The following PCBP3 variants were observed in gnomAD, a reference collection of about 807,000 sequenced individuals.
PCBP3 encodes poly(rC) binding protein 3.
PCBP3 carries 25 observed loss-of-function variants against 52.7 expected under a neutral mutation model. That is an observed-to-expected ratio of 0.47 (90% CI 0.35 to 0.66). The LOEUF (loss-of-function observed/expected upper bound fraction) is 0.66. Among genes scored for constraint, PCBP3 ranks in the 30% least tolerant of loss-of-function variants. The pLI is 0.01. For missense variants in PCBP3, 391 were observed against 490.3 expected (o/e 0.80, Z 1.91); for synonymous variants, 162 against 183.0 (o/e 0.89, Z 0.93).
chr21:45,900,057 C>G (rs2095986019), intron 7 of PCBP3, among the ~76,000 whole-genome samples: 4 of 152,234 alleles, frequency 2.6e-5, no homozygotes, highest in Admixed American at 2.6e-4. Flanking sequence ...GTTTGGAAGC[C>G]TGCTGCCCCG....
rs1441223552 is a variant in PCBP3, at chr21:45,724,253, T to C, written c.-199-11139T>C. Among the ~76,000 whole-genome samples, 1 of 152,306 alleles carries C rather than the reference T, an allele frequency of 6.6e-6. No individual in the cohort carries two copies. Among genetic ancestry groups the C allele is most frequent in the African/African-American group, 2.4e-5 (1 of 41,584 alleles). ...ACACATTTATCGAAAATGGAACCTA[T>C]GAGCAAATTCCTAGGAGCTGCATTT... On this transcript the variant is annotated intron_variant, in intron 2 of 17. Coordinates refer to ENST00000681687, the MANE Select transcript of PCBP3 (RefSeq NM_001384156.1). This position sits in a 1 kb window ranked among gnomAD's most constrained non-coding sequence, Gnocchi z 5.3.
intron 2 of PCBP3, among the ~76,000 whole-genome samples, chr21:45,672,305 C>T (rs930227689): frequency 6.6e-6 from 1 of 152,096 alleles, no homozygotes; most frequent in Non-Finnish European, 1.5e-5. Context: ...GAAGTAAATT[C>T]CTTTTCCTTA....
intron 5 of PCBP3, among the ~76,000 whole-genome samples, chr21:45,866,919 A>T (rs1460377171): frequency 6.6e-6 from 1 of 152,250 alleles, no homozygotes; most frequent in Non-Finnish European, 1.5e-5. Flanking sequence ...GGGAACAGGA[A>T]TCCCATAACA....
chr21:45,752,746 C>T (rs2087641151), intron 3 of PCBP3: 1 of 151,782 alleles, frequency 6.6e-6, no homozygotes. Context: ...TTATAAATGT[C>T]CTGTGTATCT....
chr21:45,932,303 G>A (rs1469150018), intron 15 of PCBP3, among the ~76,000 whole-genome samples: 1 of 150,866 alleles, frequency 6.6e-6, no homozygotes, highest in Non-Finnish European at 1.5e-5. Flanking sequence ...AAACACATCA[G>A]CCAAGCTATC....
In PCBP3 at chr21:45,694,830, C is replaced by G. The variant is rs546658077; in HGVS notation, c.-200+25878C>G. ...AGAATGCTTAAGTGGAGGAATAAAT[C>G]ATATTATTTGAATTGAAAAACTCAA... On this transcript the variant is annotated intron_variant, in intron 2 of 17. Coordinates refer to ENST00000681687, the MANE Select transcript of PCBP3 (RefSeq NM_001384156.1). 2.6e-5 allele frequency among the ~76,000 whole-genome samples: 4 copies of G among 152,276 alleles called. No homozygotes were observed. In the South Asian group the frequency reaches 8.3e-4, roughly 32 times the overall value.
rs1430141302 is a variant in PCBP3 at position 45,724,759 on chromosome 21, A to T, written c.-199-10633A>T. On this transcript the variant is annotated intron_variant, in intron 2 of 17. Coordinates refer to ENST00000681687, the MANE Select transcript of PCBP3 (RefSeq NM_001384156.1). The surrounding 1 kb of genome is among the most constrained non-coding windows in gnomAD (Gnocchi z 5.3). ...CTGTAACCCGCCCCCCCTCAGCTGG[A>T]GTGGCACTCTGTTGGCTGTTGTTTT... is the stretch of plus-strand genomic sequence containing the variant. 6.6e-6 allele frequency among the ~76,000 whole-genome samples: 1 copy of T among 150,884 alleles called. No individual in the cohort carries two copies. Among genetic ancestry groups the T allele is most frequent in the African/African-American group, 2.4e-5 (1 of 40,906 alleles).
intron 6 of PCBP3, among the ~76,000 whole-genome samples, chr21:45,898,938 T>A (rs1267459016): frequency 2.7e-5 from 4 of 150,766 alleles, no homozygotes; most frequent in Non-Finnish European, 5.9e-5. Context: ...ACGGCCTCCC[T>A]CTCCCTCCAC....
intron 4 of PCBP3, among the ~76,000 whole-genome samples, chr21:45,785,071 T>G (rs2091006580): frequency 6.9e-6 from 1 of 144,900 alleles, no homozygotes; most frequent in Non-Finnish European, 1.5e-5. Context: ...CTCTGCCCTG[T>G]CGCCCCGTCC....
At chr21:45,911,238 T>G in intron 11 of PCBP3, 1 of 659,250 alleles carries the variant, frequency 1.5e-6, no homozygotes, top group South Asian at 1.6e-5. Flanking sequence ...GTCCAGTGTC[T>G]TCGTGGGGGC....
chr21:45,712,461 A>G (rs1190840644), intron 2 of PCBP3, among the ~76,000 whole-genome samples: 1 of 152,154 alleles, frequency 6.6e-6, no homozygotes, highest in African/African-American at 2.4e-5. Flanking sequence ...GTGAGGTAGT[A>G]TCTTGTTTTA....
chr21:45,843,719 G>T (rs1569298810), intron 4 of PCBP3, among the ~76,000 whole-genome samples: 1 of 152,178 alleles, frequency 6.6e-6, no homozygotes, highest in African/African-American at 2.4e-5. Context: ...CTACTGAGTA[G>T]GAGATATGTT....
intron 6 of PCBP3, among the ~76,000 whole-genome samples, chr21:45,898,397 G>A (rs113182255): frequency 0.083 from 5,968 of 72,282 alleles, 4 homozygotes; most frequent in South Asian, 0.13. Context: ...GCCTCCCTCT[G>A]CACACCGTCC....
Position 45,896,244 on chromosome 21 carries a change from G to A in PCBP3, c.47G>A (p.Ser16Asn), listed in dbSNP as rs899590691. The change falls in exon 6 of 18, where the codon AGC becomes AAC. Residue 16 changes from serine (S) to asparagine (N), a missense_variant. Coordinates refer to ENST00000681687, the MANE Select transcript of PCBP3 (RefSeq NM_001384156.1). ...TGGGCCCCATCTGTCCTTCCTCACA[G>A]CACCCTCAGCACCTTAAGCCACCAC... ...AFWAPSVLPHSTLSTLSHHPQ... is the reference protein window; with the variant it reads ...AFWAPSVLPHNTLSTLSHHPQ... The A allele has an allele frequency of 3.4e-5, 53 of 1,551,978 alleles. No individual in the cohort carries two copies. The highest frequency in any genetic ancestry group is 4.6e-5 in the Non-Finnish European group (53 of 1,147,086).
At chr21:45,671,435 C>A (rs928948419) in intron 2 of PCBP3, among the ~76,000 whole-genome samples, 1 of 152,176 alleles carries the variant, frequency 6.6e-6, no homozygotes, top group Non-Finnish European at 1.5e-5. Flanking sequence ...GGAGCCAAAC[C>A]AAGCCAATTG....
chr21:45,815,247 A>G (rs2092869571), intron 4 of PCBP3, among the ~76,000 whole-genome samples: 1 of 74,992 alleles, frequency 1.3e-5, no homozygotes, highest in Non-Finnish European at 2.7e-5. Flanking sequence ...GTGATGAGTG[A>G]GTGGTGAGTG....
Position 45,896,333 on chromosome 21 carries a change from C to T in PCBP3, c.136C>T (p.Leu46Phe). The T allele has an allele frequency of 6.4e-7, 1 of 1,552,014 alleles. No individual in the cohort carries two copies. The highest frequency in any genetic ancestry group is 8.7e-7 in the Non-Finnish European group (1 of 1,147,096). ...CTCAGAAGGTGGCCTGAATGTGACC[C>T]TCACCATCCGCCTGCTGATGCATGG... ...KVSEGGLNVTLTIRLLMHGKE... is the reference protein window; with the variant it reads ...KVSEGGLNVTFTIRLLMHGKE... Residue 46 changes from leucine to phenylalanine, a missense_variant, in exon 6 of 18, where the codon CTC becomes TTC. Physicochemically the swap from Leu to Phe is conservative, Grantham distance 22. Transcript: ENST00000681687.
At chr21:45,811,988 C>A (rs2092698441) in intron 4 of PCBP3, among the ~76,000 whole-genome samples, 1 of 151,870 alleles carries the variant, frequency 6.6e-6, no homozygotes, top group Non-Finnish European at 1.5e-5. Context: ...ATTTTATTTC[C>A]TCTTTATCTT....
chr21:45,916,277 G>A (rs1045132568), intron 12 of PCBP3: 7 of 152,412 alleles, frequency 4.6e-5, no homozygotes, highest in Admixed American at 1.3e-4. Flanking sequence ...CCTCACCTTC[G>A]GTGACACATG....
Sources: allele counts gnomAD v4.1 joint callset (sites outside exome capture counted in the v4.1 genomes callset), GRCh38; gene constraint gnomAD v4.1.1; non-coding constraint Gnocchi (gnomAD v3.1); transcripts MANE v1.5; gene names NCBI Gene and HGNC (gene_info 2026-07-23, HGNC 2026-07-21).